The following STAU2 variants were observed in gnomAD, a reference collection of about 807,000 sequenced individuals.
STAU2 encodes the protein double-stranded RNA-binding protein Staufen homolog 2.
In STAU2, 20 loss-of-function variants were observed where a neutral mutation model predicts 65.9. The observed-to-expected ratio is 0.30, with a 90% CI of 0.21 to 0.44. STAU2 has a LOEUF of 0.44. Ranked by LOEUF, STAU2 falls within the 20% of genes least tolerant of loss-of-function variation. STAU2 has a pLI of 1.00. For missense variants in STAU2, 558 were observed against 683.9 expected (o/e 0.82, Z 2.05); for synonymous variants, 232 against 233.9 (o/e 0.99, Z 0.07).
At chr8:73,627,240 C>G (rs1196786616) in intron 6 of STAU2, among the ~76,000 whole-genome samples, 575 of 24,058 alleles carry the variant, frequency 0.024, no homozygotes, top group Middle Eastern at 0.059. Context: ...GGCAGGAGGG[C>G]GGGTTCCCTG....
intron 5 of STAU2, among the ~76,000 whole-genome samples, chr8:73,676,240 T>C (rs1407283782): frequency 4.6e-5 from 7 of 152,138 alleles, no homozygotes; most frequent in African/African-American, 1.4e-4. Context: ...CACAGACCTA[T>C]TACTTCTCAA....
At chr8:73,707,807 A>G (rs1016444617) in intron 4 of STAU2, among the ~76,000 whole-genome samples, 1 of 152,176 alleles carries the variant, frequency 6.6e-6, no homozygotes, top group Non-Finnish European at 1.5e-5. Flanking sequence ...AGTAACGGCT[A>G]CCACAGAGAA....
chr8:73,615,600 C>A, intron 8 of STAU2, 75 bp downstream of exon 8: 1 of 1,072,256 alleles, frequency 9.3e-7, no homozygotes. Context: ...TACTAATACA[C>A]CAGTTAATTT....
At chr8:73,727,637 T>C (rs762931237) in intron 3 of STAU2, among the ~76,000 whole-genome samples, 1 of 152,240 alleles carries the variant, frequency 6.6e-6, no homozygotes, top group Non-Finnish European at 1.5e-5. Flanking sequence ...TTGGGTTGTT[T>C]CCACCATTTA....
chr8:73,509,621 T>C (rs1346497188), intron 13 of STAU2, among the ~76,000 whole-genome samples: 1 of 152,088 alleles, frequency 6.6e-6, no homozygotes, highest in African/African-American at 2.4e-5. Flanking sequence ...ATTCACAGAT[T>C]GGATATTAAA....
intron 13 of STAU2, among the ~76,000 whole-genome samples, chr8:73,523,383 C>T (rs1414169750): frequency 5.3e-5 from 8 of 151,364 alleles, no homozygotes; most frequent in South Asian, 2.1e-4. Flanking sequence ...GGACTGCATA[C>T]GAGTACGTGA....
intron 6 of STAU2, among the ~76,000 whole-genome samples, chr8:73,635,940 ACACACACACACC>A (rs1478430733): frequency 6.8e-4 from 83 of 122,264 alleles, no homozygotes; most frequent in African/African-American, 1.0e-3. Flanking sequence ...ACACACACAC[ACACACACACACC>A]CCTGGAACCA....
chr8:73,421,638 T>TAA (rs1816383709), intron 14 of STAU2, among the ~76,000 whole-genome samples, 173 bp from the exon 15 acceptor site: 1 of 152,370 alleles, frequency 6.6e-6, no homozygotes, highest in East Asian at 1.9e-4. Flanking sequence ...TGGAAATGTT[T>TAA]TTGATTAAAT....
intron 6 of STAU2, among the ~76,000 whole-genome samples, chr8:73,624,433 T>C (rs934276927): frequency 1.3e-5 from 2 of 152,312 alleles, no homozygotes; most frequent in African/African-American, 2.4e-5. Context: ...AATGGATATA[T>C]AGATAAATCA....
chr8:73,743,627 C>T (rs1219946899), intron 1 of STAU2, among the ~76,000 whole-genome samples: 1 of 151,838 alleles, frequency 6.6e-6, no homozygotes, highest in Non-Finnish European at 1.5e-5. Context: ...GCATGCGCCA[C>T]CACGGCCGGC....
chr8:73,609,212 G>A (rs1295683281), intron 9 of STAU2, among the ~76,000 whole-genome samples: 1 of 152,036 alleles, frequency 6.6e-6, no homozygotes, highest in East Asian at 1.9e-4. Context: ...ACCCCCAGAA[G>A]TAGAAGAACA....
chr8:73,424,201 C>CTTTTTTTT (rs59063960), intron 13 of STAU2, among the ~76,000 whole-genome samples: 4 of 115,290 alleles, frequency 3.5e-5, no homozygotes, highest in African/African-American at 1.0e-4. Context: ...TCCTCTATGT[C>CTTTTTTTT]TTTTTTTTTT....
At chr8:73,477,818 C>A (rs1352298697) in intron 13 of STAU2, among the ~76,000 whole-genome samples, 4 of 151,950 alleles carry the variant, frequency 2.6e-5, no homozygotes, top group Admixed American at 2.0e-4. Context: ...TTCTTTGTGG[C>A]AAGTAAGGAA....
chr8:73,630,074 A>C (rs928660809), intron 6 of STAU2, among the ~76,000 whole-genome samples: 2 of 152,220 alleles, frequency 1.3e-5, no homozygotes, highest in Non-Finnish European at 2.9e-5. Flanking sequence ...AACTTTAAGA[A>C]AACTCTTCCA....
intron 4 of STAU2, 70 bp downstream of exon 4, chr8:73,708,962 G>A (rs369861134): frequency 1.4e-5 from 19 of 1,383,224 alleles, no homozygotes; most frequent in African/African-American, 8.8e-5. Flanking sequence ...AATAAAGCAC[G>A]ATTAAAATCT....
intron 12 of STAU2, among the ~76,000 whole-genome samples, chr8:73,567,939 C>T (rs1462295820): frequency 6.6e-6 from 1 of 152,002 alleles, no homozygotes; most frequent in Non-Finnish European, 1.5e-5. Flanking sequence ...TTAAAAACTA[C>T]TGAAATCATC....
intron 9 of STAU2, among the ~76,000 whole-genome samples, chr8:73,613,066 C>T (rs975320848): frequency 6.6e-6 from 1 of 152,230 alleles, no homozygotes; most frequent in Non-Finnish European, 1.5e-5. Flanking sequence ...CTATATTCTT[C>T]TTTGGCAAGG....
chr8:73,603,839 T>C lies in STAU2; in HGVS notation c.916A>G (p.Met306Val). 1 of 1,610,712 alleles carries C rather than the reference T, an allele frequency of 6.2e-7. No individual in the cohort carries two copies. The highest frequency in any genetic ancestry group is 2.2e-5 in the East Asian group (1 of 44,850). Residue 306 changes from methionine to valine, a missense_variant, in exon 10 of 15, where the codon ATG (methionine) becomes GTG (valine). Around this residue, in one of 3 missense-constraint regions of STAU2, gnomAD observed 199 missense variants for 299.5 expected, o/e 0.66. Coordinates refer to ENST00000524300, the MANE Select transcript of STAU2 (RefSeq NM_001164380.2). ...VKAGPEYGQG[M>V]NPISRLAQIQ... ...TGCGCCAGGCGGCTAATAGGGTTCATCCCTTGGCCATATTCTGGTCCGGCC... is the reference window on the plus strand; with the variant it reads ...TGCGCCAGGCGGCTAATAGGGTTCACCCCTTGGCCATATTCTGGTCCGGCC...
chr8:73,648,817 GT>G (rs1452504376), intron 6 of STAU2, among the ~76,000 whole-genome samples: 1 of 151,988 alleles, frequency 6.6e-6, no homozygotes, highest in East Asian at 1.9e-4. Flanking sequence ...TCTTGTTTTT[GT>G]TTTTTAGAGA....
Sources: gnomAD v4.1 joint callset for allele counts (sites outside exome capture counted in the v4.1 genomes callset) on GRCh38, gnomAD v4.1.1 for gene constraint, gnomAD v4.1.1 regional missense constraint, MANE v1.5 for transcripts, NCBI Gene and HGNC (gene_info 2026-07-23, HGNC 2026-07-21) for gene names.